The following CLSTN3 variants were observed in gnomAD, a reference collection of about 807,000 sequenced individuals.
The protein encoded by CLSTN3 is calsyntenin 3, also known as calsyntenin-3.
A neutral mutation model predicts 95.9 loss-of-function variants in CLSTN3; 36 were observed. The observed-to-expected ratio is 0.38, with a 90% CI of 0.29 to 0.50. The LOEUF is 0.50. Among genes scored for constraint, CLSTN3 ranks in the 20% least tolerant of loss-of-function variants. The pLI, the probability that CLSTN3 is intolerant of heterozygous loss-of-function variation, is 0.95. For synonymous variants in CLSTN3, 481 were observed against 504.0 expected, an observed-to-expected ratio of 0.95 and a Z score of 0.61; for missense variants, 1,084 against 1,268.8, an observed-to-expected ratio of 0.85 and a Z score of 2.21.
In CLSTN3 at chr12:7,150,405, T is replaced by C; in HGVS notation, c.2246-139T>C. The C allele has an allele frequency of 1.0e-6, 1 of 954,236 alleles. No homozygotes were observed. The highest frequency in any genetic ancestry group is 1.5e-6 in the Non-Finnish European group (1 of 662,478). The allele number at this position is 954,236 out of a possible 1,614,324, so 59.1% of individuals were successfully genotyped here. A position where few individuals can be genotyped will look rare whatever the true frequency, so the allele number is the denominator to read the frequency against. The stretch of plus-strand genomic sequence containing the variant: ...GAGGGGAGCATCCCTCCCTTCGACC[T>C]CAGGTCGCACTTCTGCGGAGATGGG... On this transcript the variant is annotated intron_variant, in intron 14 of 17. Coordinates refer to ENST00000266546, the MANE Select transcript of CLSTN3 (RefSeq NM_014718.4). This position sits in a 1 kb window ranked among gnomAD's most constrained non-coding sequence, Gnocchi z 4.0.
At position 7,135,682 on chromosome 12, in the gene CLSTN3, C is replaced by G. The variant is rs147044460; in HGVS notation, c.593-122C>G. 5.3e-4 allele frequency: 723 copies of G among 1,373,044 alleles called. 4 individuals are homozygous for G. In the African/African-American group the frequency reaches 8.8e-3, roughly 17 times the overall value. The allele number at this position is 1,373,044 out of a possible 1,614,324, so 85.1% of individuals were successfully genotyped here. ...AAATGGAGCCTTCTCCTCCCAGATG[C>G]CTTTTTTCCCAGCGTCCTGCTGCCT... On this transcript the variant is annotated intron_variant, in intron 4 of 17. Coordinates refer to ENST00000266546, the MANE Select transcript of CLSTN3 (RefSeq NM_014718.4).
At position 7,149,756 on chromosome 12, in the gene CLSTN3, A is replaced by G; in HGVS notation, c.2245+63A>G. The G allele has an allele frequency of 6.7e-7, 1 of 1,500,118 alleles. No homozygotes were observed. The highest frequency in any genetic ancestry group is 2.0e-5 in the Admixed American group (1 of 50,700). 92.9% of individuals were successfully genotyped at this position (1,500,118 alleles called of 1,614,324 possible). A position where few individuals can be genotyped will look rare whatever the true frequency, so the allele number is the denominator to read the frequency against. On this transcript the variant is annotated intron_variant, in intron 14 of 17. Coordinates refer to ENST00000266546, the MANE Select transcript of CLSTN3 (RefSeq NM_014718.4). The surrounding 1 kb of genome is among the most constrained non-coding windows in gnomAD (Gnocchi z 4.5). ...TGCCCCTCCCAAAAAGTAAGGGCCTAGGAAGCCCAGAGGGTCCTCCTTCCA... is the reference window on the plus strand; with the variant it reads ...TGCCCCTCCCAAAAAGTAAGGGCCTGGGAAGCCCAGAGGGTCCTCCTTCCA...
At chr12:7,145,927 C>G (rs760536569) in intron 12 of CLSTN3, among the ~76,000 whole-genome samples, 12 of 152,180 alleles carry the variant, frequency 7.9e-5, no homozygotes, top group Admixed American at 2.6e-4. Context: ...TGCCGCGTGT[C>G]TGAAATCTGT....
intron 12 of CLSTN3, among the ~76,000 whole-genome samples, chr12:7,144,311 T>C (rs1939585919): frequency 6.7e-6 from 1 of 149,720 alleles, no homozygotes; most frequent in South Asian, 2.1e-4. Context: ...AAAAGAAAAA[T>C]TGTAGATTAT....
At chr12:7,144,840 G>A (rs1754011074) in intron 12 of CLSTN3, among the ~76,000 whole-genome samples, 3 of 152,278 alleles carry the variant, frequency 2.0e-5, no homozygotes, top group African/African-American at 7.2e-5. Context: ...GGAAGGCCCC[G>A]GGCTGTGGCT....
chr12:7,131,298 G>A, intron 1 of CLSTN3: 2 of 215,874 alleles, frequency 9.3e-6, no homozygotes, highest in Admixed American at 1.0e-4. Flanking sequence ...GCTGGGCGGG[G>A]CTGTCGGACA....
chr12:7,154,486 C>CG (rs879403046), intron 16 of CLSTN3, among the ~76,000 whole-genome samples: 2 of 151,986 alleles, frequency 1.3e-5, no homozygotes, highest in Non-Finnish European at 1.5e-5. Context: ...ATTTGAGAAC[C>CG]GGGGGTAGAT....
chr12:7,149,747 T>C lies in CLSTN3; in HGVS notation c.2245+54T>C. 1 of 1,543,442 alleles carries C rather than the reference T, an allele frequency of 6.5e-7. No homozygotes were observed. Among genetic ancestry groups the C allele is most frequent in the South Asian group, 1.2e-5 (1 of 83,738 alleles). ...GTGTGTGTGTGCCCCTCCCAAAAAG[T>C]AAGGGCCTAGGAAGCCCAGAGGGTC... On this transcript the variant is annotated intron_variant, in intron 14 of 17. Coordinates refer to ENST00000266546, the MANE Select transcript of CLSTN3 (RefSeq NM_014718.4). The surrounding 1 kb of genome is among the most constrained non-coding windows in gnomAD (Gnocchi z 4.5).
In CLSTN3 at chr12:7,138,042, T is replaced by G; in HGVS notation, c.1298T>G (p.Val433Gly). Residue 433 changes from valine (V) to glycine (G), a missense_variant, in exon 8 of 18, where the codon GTC becomes GGC. Val to Gly is a moderately radical substitution (Grantham distance 109). Coordinates refer to ENST00000266546, the MANE Select transcript of CLSTN3 (RefSeq NM_014718.4). Reference sequence around the variant, plus strand: ...CCCCTGCTTGAGAGTGCCCGCCCAGTCAAGTTCCTCTGGAAGCTGGAGCAG... The same window carrying G: ...CCCCTGCTTGAGAGTGCCCGCCCAGGCAAGTTCCTCTGGAAGCTGGAGCAG... ...YWPLLESARP[V>G]KFLWKLEQVC... The G allele has an allele frequency of 1.2e-6, 2 of 1,613,702 alleles. No individual in the cohort carries two copies. The highest frequency in any genetic ancestry group is 1.7e-6 in the Non-Finnish European group (2 of 1,179,850).
In CLSTN3 at chr12:7,137,358, T is replaced by C; in HGVS notation, c.1210+248T>C. The C allele has an allele frequency of 2.0e-6, 1 of 507,136 alleles. No individual in the cohort carries two copies. Among genetic ancestry groups the C allele is most frequent in the Non-Finnish European group, 3.6e-6 (1 of 279,590 alleles). 31.4% of individuals were successfully genotyped at this position (507,136 alleles called of 1,614,324 possible). On this transcript the variant is annotated intron_variant, in intron 7 of 17. Coordinates refer to ENST00000266546, the MANE Select transcript of CLSTN3 (RefSeq NM_014718.4). The surrounding 1 kb of genome is among the most constrained non-coding windows in gnomAD (Gnocchi z 4.4). ...TTTTCAGTTGCCCAGTCAACTTCTCTGTGTCCCACCATGTGGTAGGCTGTC... is the reference window on the plus strand; with the variant it reads ...TTTTCAGTTGCCCAGTCAACTTCTCCGTGTCCCACCATGTGGTAGGCTGTC...
Position 7,149,600 on chromosome 12 carries a change from G to A in CLSTN3, c.2152G>A (p.Asp718Asn). The A allele has an allele frequency of 6.2e-7, 1 of 1,614,176 alleles. No homozygotes were observed. Among genetic ancestry groups the A allele is most frequent in the African/African-American group, 1.3e-5 (1 of 75,038 alleles). Residue 718 changes from aspartate (D) to asparagine (N), a missense_variant, in exon 14 of 18, where the codon GAT becomes AAT. By Grantham distance (23) the Asp-to-Asn change is conservative. Transcript: ENST00000266546. The surrounding 1 kb of genome is among the most constrained non-coding windows in gnomAD (Gnocchi z 4.5). Reference protein sequence around the residue: ...CEISLVGDDLDPERESLLLDT... With the variant: ...CEISLVGDDLNPERESLLLDT... Reference sequence around the variant, plus strand: ...AATTTCTCTGGTGGGGGATGACCTGGATCCCGAGCGGGAAAGCCTGCTCCT... The same window carrying A: ...AATTTCTCTGGTGGGGGATGACCTGAATCCCGAGCGGGAAAGCCTGCTCCT...
chr12:7,156,280 C>A lies in CLSTN3; in HGVS notation c.2528-1209C>A, dbSNP rs367980269. The A allele has an allele frequency of 1.5e-5, 7 of 456,868 alleles. 1 individual carries two copies. In the East Asian group the frequency reaches 2.1e-4, roughly 14 times the overall value. The allele number at this position is 456,868 out of a possible 1,614,324, so 28.3% of individuals were successfully genotyped here. A position where few individuals can be genotyped will look rare whatever the true frequency, so the allele number is the denominator to read the frequency against. On this transcript the variant is annotated intron_variant, in intron 16 of 17. Transcript: ENST00000266546. Reference sequence around the variant, plus strand: ...TGCGTGTGTGGGGTCTCTGCCTCCACCTGCTGTCCCTGGGGCTGCGGGCTT... The same window carrying A: ...TGCGTGTGTGGGGTCTCTGCCTCCAACTGCTGTCCCTGGGGCTGCGGGCTT...
rs1939833978 is a variant in CLSTN3, at chr12:7,157,259, G to A, written c.2528-230G>A. Among the ~76,000 whole-genome samples, 1 of 152,184 alleles carries A rather than the reference G, an allele frequency of 6.6e-6. No individual in the cohort carries two copies. The highest frequency in any genetic ancestry group is 2.4e-5 in the African/African-American group (1 of 41,440). On this transcript the variant is annotated intron_variant, in intron 16 of 17. Transcript: ENST00000266546. The surrounding 1 kb of genome is among the most constrained non-coding windows in gnomAD (Gnocchi z 5.9). ...TCTCTGTACACCTGCCTCCCTCTGT[G>A]TTTGTTCCTTTGCCTTGCAGCAGCT...
chr12:7,137,795 T>TGTGTGTGTGAGA lies in CLSTN3; in HGVS notation c.1211-159_1211-158insTGTGTGTGAGAG, dbSNP rs768487238. Among the ~76,000 whole-genome samples, 5,904 of 70,636 alleles carry TGTGTGTGTGAGA rather than the reference T, an allele frequency of 0.084. 428 individuals are homozygous for TGTGTGTGTGAGA. Among genetic ancestry groups the TGTGTGTGTGAGA allele is most frequent in the East Asian group, 0.18 (337 of 1,886 alleles). 46.3% of individuals were successfully genotyped at this position (70,636 alleles called of 152,430 possible). A position where few individuals can be genotyped will look rare whatever the true frequency, so the allele number is the denominator to read the frequency against. On this transcript the variant is annotated intron_variant, in intron 7 of 17. Coordinates refer to ENST00000266546, the MANE Select transcript of CLSTN3 (RefSeq NM_014718.4). This position sits in a 1 kb window ranked among gnomAD's most constrained non-coding sequence, Gnocchi z 4.4. ...GTGTGTGTGTGTGTGTGTGTGTGTG[T>TGTGTGTGTGAGA]GAGAGAGAGAGAGAGAGAGAGAGAG... is the stretch of plus-strand genomic sequence containing the variant.
At position 7,149,303 on chromosome 12, in the gene CLSTN3, T is replaced by C; in HGVS notation, c.2074+105T>C. On this transcript the variant is annotated intron_variant, in intron 13 of 17. Coordinates refer to ENST00000266546, the MANE Select transcript of CLSTN3 (RefSeq NM_014718.4). This position sits in a 1 kb window ranked among gnomAD's most constrained non-coding sequence, Gnocchi z 4.5. The stretch of plus-strand genomic sequence containing the variant: ...CTGGAAGCAGAAAGCGACTCCATCC[T>C]GTGTTTGTTTGACTGAACAACTTAC... 1.9e-6 allele frequency: 2 copies of C among 1,067,810 alleles called. No homozygotes were observed. 66.1% of individuals were successfully genotyped at this position (1,067,810 alleles called of 1,614,324 possible). A position where few individuals can be genotyped will look rare whatever the true frequency, so the allele number is the denominator to read the frequency against.
At chr12:7,153,757 G>T (rs1939766402) in intron 16 of CLSTN3, among the ~76,000 whole-genome samples, 1 of 152,150 alleles carries the variant, frequency 6.6e-6, no homozygotes, top group Admixed American at 6.5e-5. Context: ...AGGTAGATAG[G>T]GGTGCTGCCT....
chr12:7,132,989 A>G (rs1330769670), intron 1 of CLSTN3, 35 bp from the exon 2 acceptor site: 1 of 1,612,034 alleles, frequency 6.2e-7, no homozygotes, highest in Non-Finnish European at 8.5e-7. Context: ...CCCTGCTCAC[A>G]GGTGCTTCCT....
rs986420959 is a variant in CLSTN3 at position 7,150,064 on chromosome 12, G to A, written c.2245+371G>A. Among the ~76,000 whole-genome samples the A allele has an allele frequency of 3.3e-5, 5 of 152,074 alleles. No individual in the cohort carries two copies. The highest frequency in any genetic ancestry group is 1.2e-4 in the African/African-American group (5 of 41,394). On this transcript the variant is annotated intron_variant, in intron 14 of 17. Coordinates refer to ENST00000266546, the MANE Select transcript of CLSTN3 (RefSeq NM_014718.4). The surrounding 1 kb of genome is among the most constrained non-coding windows in gnomAD (Gnocchi z 4.0). ...CTGTTGTTCAGCTCACTCATCTCAC[G>A]TGCACACCAGAGCTTTACAAGAAGT...
At position 7,132,041 on chromosome 12, in the gene CLSTN3, G is replaced by C. The variant is rs143565644; in HGVS notation, c.65-983G>C. On this transcript the variant is annotated intron_variant, in intron 1 of 17. Coordinates refer to ENST00000266546, the MANE Select transcript of CLSTN3 (RefSeq NM_014718.4). ...GAGCAAGCGTGGAGGCTGGGGTGGGGGGTGATGTGGAAGGGGAGGAAATAT... is the reference window on the plus strand; with the variant it reads ...GAGCAAGCGTGGAGGCTGGGGTGGGCGGTGATGTGGAAGGGGAGGAAATAT... Among the ~76,000 whole-genome samples the C allele has an allele frequency of 8.0e-3, 1,218 of 152,132 alleles. 20 individuals carry two copies. Among genetic ancestry groups the C allele is most frequent in the African/African-American group, 0.028 (1,147 of 41,472 alleles).
Sources: allele counts gnomAD v4.1 joint callset (sites outside exome capture counted in the v4.1 genomes callset), GRCh38; gene constraint gnomAD v4.1.1; non-coding constraint Gnocchi (gnomAD v3.1); transcripts MANE v1.5; gene names NCBI Gene and HGNC (gene_info 2026-07-23, HGNC 2026-07-21).